The following TNS1 variants were observed in gnomAD, a reference collection of about 807,000 sequenced individuals.
TNS1 encodes the protein tensin-1.
Under a neutral mutation model 168.6 loss-of-function variants are expected in TNS1, and 62 were observed. That is an observed-to-expected ratio of 0.37 (90% CI 0.30 to 0.45). The LOEUF (loss-of-function observed/expected upper bound fraction) is 0.45, where lower values mean the gene tolerates loss of function less well. TNS1 is among the 20% of genes least tolerant of loss of function. TNS1 has a pLI of 1.00. For synonymous variants in TNS1, 934 were observed against 933.2 expected (o/e 1.00, Z -0.02); for missense variants, 2,240 against 2,339.4 (o/e 0.96, Z 0.88).
chr2:217,851,834 C>T (rs1400042244), intron 18 of TNS1, among the ~76,000 whole-genome samples: 1 of 152,098 alleles, frequency 6.6e-6, no homozygotes, highest in African/African-American at 2.4e-5. Flanking sequence ...GAACTGAGCT[C>T]CTTGCTACAC....
intron 23 of TNS1, among the ~76,000 whole-genome samples, chr2:217,821,428 T>C (rs1322524415): frequency 6.6e-6 from 1 of 152,180 alleles, no homozygotes; most frequent in Non-Finnish European, 1.5e-5. Flanking sequence ...TCATTACTGT[T>C]GGTAGATTTT....
intron 3 of TNS1, among the ~76,000 whole-genome samples, chr2:217,949,745 A>AAAAAAG (rs2125973538): frequency 6.6e-6 from 1 of 152,260 alleles, no homozygotes; most frequent in African/African-American, 2.4e-5. Flanking sequence ...GGAACAAAAA[A>AAAAAAG]AAAAGAAAAG....
chr2:217,832,937 A>AACACAC (rs143114343), intron 21 of TNS1, among the ~76,000 whole-genome samples: 15 of 150,202 alleles, frequency 1.0e-4, no homozygotes, highest in African/African-American at 3.4e-4. Flanking sequence ...CACACACACA[A>AACACAC]ACACACACAC....
Position 217,835,100 on chromosome 2 carries a change from G to T in TNS1, c.3271C>A (p.Pro1091Thr), listed in dbSNP as rs777837868. The change falls in exon 21 of 33, where the codon CCC becomes ACC. Residue 1091 changes from proline to threonine, a missense_variant. Pro to Thr is a conservative substitution (Grantham distance 38). Transcript: ENST00000682258. ...MEGTSPSSPPPSGVRSPPGLA... is the reference protein window; with the variant it reads ...MEGTSPSSPPTSGVRSPPGLA... ...CACAGGGAATTCTTACCCCCACTGGGTGGTGGGCTGCTCGGGGAGGTTCCC... is the reference window on the plus strand; with the variant it reads ...CACAGGGAATTCTTACCCCCACTGGTTGGTGGGCTGCTCGGGGAGGTTCCC... The T allele has an allele frequency of 1.3e-6, 2 of 1,583,358 alleles. No homozygotes were observed. Among genetic ancestry groups the T allele is most frequent in the South Asian group, 2.3e-5 (2 of 85,368 alleles).
chr2:217,866,967 G>A (rs999612346), intron 18 of TNS1, among the ~76,000 whole-genome samples: 1 of 152,240 alleles, frequency 6.6e-6, no homozygotes, highest in African/African-American at 2.4e-5. Flanking sequence ...CAGAAATGGT[G>A]AGAAATGTTA....
Position 217,812,441 on chromosome 2 carries a change from C to T in TNS1, c.4959G>A (p.Ser1653=), listed in dbSNP as rs747870281. 6.2e-6 allele frequency: 10 copies of T among 1,613,756 alleles called. No individual in the cohort carries two copies. The highest frequency in any genetic ancestry group is 1.6e-4 in the Middle Eastern group (1 of 6,084). ...KGCPNEPNFG[S]LSALVYQHSI... is the part of the protein sequence containing the mutation. ...AGTGCTGGTAGACCAGGGCAGACAGCGATCCTGTAGGGAGGCAGACGGCAT... is the reference window on the plus strand; with the variant it reads ...AGTGCTGGTAGACCAGGGCAGACAGTGATCCTGTAGGGAGGCAGACGGCAT... The change falls in exon 28 of 33, where the codon TCG becomes TCA. Residue 1653 remains serine (S), a synonymous_variant. Coordinates refer to ENST00000682258, the MANE Select transcript of TNS1 (RefSeq NM_001387777.1).
chr2:217,816,749 G>A (rs1941946512), intron 24 of TNS1, among the ~76,000 whole-genome samples: 1 of 152,178 alleles, frequency 6.6e-6, no homozygotes, highest in African/African-American at 2.4e-5. Flanking sequence ...GGAACCAGAT[G>A]TCCCCGGTGG....
At chr2:217,896,233 C>A (rs780201690) in intron 8 of TNS1, among the ~76,000 whole-genome samples, 2 of 152,238 alleles carry the variant, frequency 1.3e-5, no homozygotes, top group Non-Finnish European at 2.9e-5. Flanking sequence ...AAGCTCTTAA[C>A]AATGCCCCAA....
chr2:217,841,188 G>T, intron 19 of TNS1: 1 of 979,558 alleles, frequency 1.0e-6, no homozygotes. Context: ...GGGGGAAGGA[G>T]AGCCACCCAC....
At chr2:217,961,125 T>G (rs965619853) in intron 3 of TNS1, among the ~76,000 whole-genome samples, 1 of 152,016 alleles carries the variant, frequency 6.6e-6, no homozygotes, top group Admixed American at 6.5e-5. Flanking sequence ...CCCAGCAGCC[T>G]ATAGAACTTC....
rs550256446 is a variant in TNS1 at position 217,912,821 on chromosome 2, C to T, written c.229-5570G>A. 4.6e-5 allele frequency among the ~76,000 whole-genome samples: 7 copies of T among 152,234 alleles called. 1 individual carries two copies. The South Asian group carries it at 1.5e-3, about 32-fold the overall frequency. ...CAGCCTAATCACGAAAACAAGGCAG[C>T]GGCAGCGGCAGAAGGCAGCAAAGGG... On this transcript the variant is annotated intron_variant, in intron 4 of 32. Transcript: ENST00000682258.
In TNS1 at chr2:217,836,088, C is replaced by A. The variant is rs777917136; in HGVS notation, c.3131G>T (p.Arg1044Leu). 5.0e-6 allele frequency: 8 copies of A among 1,614,012 alleles called. No homozygotes were observed. The South Asian group carries it at 8.8e-5, about 18-fold the overall frequency. Residue 1044 changes from arginine to leucine, a missense_variant, in exon 20 of 33, where the codon CGC becomes CTC. Arg to Leu is a moderately radical substitution (Grantham distance 102). This residue lies in a region of TNS1 where 2,131 missense variants were observed against 2,171.2 expected (regional missense o/e 0.98). Coordinates refer to ENST00000682258, the MANE Select transcript of TNS1 (RefSeq NM_001387777.1). ...EATSPRSPGV[R>L]SPVQCVSPEL... ...CGGGGAGACACACTGGACAGGGGAGCGAACCCCAGGGCTACGAGGGGATGT... is the reference window on the plus strand; with the variant it reads ...CGGGGAGACACACTGGACAGGGGAGAGAACCCCAGGGCTACGAGGGGATGT...
At chr2:217,967,424 C>T (rs1228712447) in intron 3 of TNS1, among the ~76,000 whole-genome samples, 1 of 152,038 alleles carries the variant, frequency 6.6e-6, no homozygotes, top group Non-Finnish European at 1.5e-5. Context: ...ATTGGCAAAA[C>T]TTCAGCTAGA....
intron 7 of TNS1, among the ~76,000 whole-genome samples, chr2:217,899,835 G>A (rs903469434): frequency 6.6e-6 from 1 of 152,220 alleles, no homozygotes; most frequent in Non-Finnish European, 1.5e-5. Flanking sequence ...TGGCAGCTGG[G>A]CCAGAAACTT....
At position 217,894,996 on chromosome 2, in the gene TNS1, C is replaced by G; in HGVS notation, c.594+10G>C. On this transcript the variant is annotated intron_variant, in intron 9 of 32. Transcript: ENST00000682258. ...TCTCCTCCCCTACCCCAAAACAGCC[C>G]CTGGCTCACCTTGGCATGGAGCTTC... 1 of 1,612,722 alleles carries G rather than the reference C, an allele frequency of 6.2e-7. No individual in the cohort carries two copies. Among genetic ancestry groups the G allele is most frequent in the Non-Finnish European group, 8.5e-7 (1 of 1,179,558 alleles).
intron 1 of TNS1, 95 bp downstream of exon 1, chr2:218,002,745 C>T: frequency 2.2e-6 from 1 of 455,368 alleles, no homozygotes; most frequent in Non-Finnish European, 4.4e-6. Flanking sequence ...ACCCCCCGAC[C>T]CCGGGCTCTC....
chr2:218,009,205 C>A (rs1478367722), intron 1 of TNS1, among the ~76,000 whole-genome samples: 1 of 152,208 alleles, frequency 6.6e-6, no homozygotes, highest in Non-Finnish European at 1.5e-5. Flanking sequence ...GACTTCCAGT[C>A]CCTGGGATCC....
At chr2:217,934,295 G>C (rs891920874) in intron 3 of TNS1, among the ~76,000 whole-genome samples, 14 of 152,290 alleles carry the variant, frequency 9.2e-5, no homozygotes, top group African/African-American at 3.4e-4. Flanking sequence ...GCACAGAGAG[G>C]CAGAGGGGAT....
intron 19 of TNS1, among the ~76,000 whole-genome samples, chr2:217,837,424 G>A (rs1292956763): frequency 6.6e-6 from 1 of 152,220 alleles, no homozygotes; most frequent in African/African-American, 2.4e-5. Context: ...GTCATGAACA[G>A]CAGGCTGCCG....
Sources: gnomAD v4.1 joint callset for allele counts (sites outside exome capture counted in the v4.1 genomes callset) on GRCh38, gnomAD v4.1.1 for gene constraint, gnomAD v4.1.1 regional missense constraint, MANE v1.5 for transcripts, NCBI Gene and HGNC (gene_info 2026-07-23, HGNC 2026-07-21) for gene names.